The following ANAPC15 variants were observed in gnomAD, a reference collection of about 807,000 sequenced individuals.
The protein encoded by ANAPC15 is anaphase promoting complex subunit 15.
ANAPC15 carries 13 observed loss-of-function variants against 19.8 expected under a neutral mutation model. That is an observed-to-expected ratio of 0.66 (90% CI 0.43 to 1.04). The LOEUF (loss-of-function observed/expected upper bound fraction) is 1.04. Among genes scored for constraint, ANAPC15 ranks in the 50% least tolerant of loss-of-function variants. The probability of loss-of-function intolerance (pLI) is 0.00; values close to 1 mark genes in which losing one functional copy is unlikely to be tolerated. For missense variants in ANAPC15, 88 were observed against 150.3 expected (o/e 0.59, Z 2.17); for synonymous variants, 45 against 50.7 (o/e 0.89, Z 0.47).
In ANAPC15 at chr11:72,110,113, G is replaced by A. The variant is rs1327946895; in HGVS notation, c.293C>T (p.Ser98Leu). Residue 98 changes from serine (S) to leucine (L), a missense_variant, in exon 5 of 6, where the codon TCA (serine) becomes TTA (leucine). Ser to Leu is a moderately radical substitution (Grantham distance 145, BLOSUM62 -2). Transcript: ENST00000227618. ...DMDEMNDYNE[S>L]PDDGEVNEVD... ...CTCATTGACCTCTCCATCATCCGGTGACTCATTGTAGTCATTCATCTCGTC... is the reference window on the plus strand; with the variant it reads ...CTCATTGACCTCTCCATCATCCGGTAACTCATTGTAGTCATTCATCTCGTC... The A allele has an allele frequency of 6.2e-7, 1 of 1,614,054 alleles. No homozygotes were observed. Among genetic ancestry groups the A allele is most frequent in the Non-Finnish European group, 8.5e-7 (1 of 1,180,048 alleles).
downstream of ANAPC15, chr11:72,107,892 T>C (rs1565331553): frequency 4.5e-6 from 7 of 1,551,068 alleles, no homozygotes; most frequent in African/African-American, 1.4e-5. Flanking sequence ...CCATCTCCCA[T>C]GTCTTCTGCA....
At chr11:72,109,961 G>A in intron 5 of ANAPC15, 33 bp from the exon 6 acceptor site, 2 of 1,613,964 alleles carry the variant, frequency 1.2e-6, no homozygotes, top group Non-Finnish European at 1.7e-6. Flanking sequence ...GTGGGGAGGG[G>A]CCTCAGCCAG....
At chr11:72,107,330 A>G (rs532998461), downstream of ANAPC15, 14 of 616,710 alleles carry the variant, frequency 2.3e-5, 1 homozygote, top group African/African-American at 2.6e-4. Flanking sequence ...GAGCAATAAA[A>G]GGGGAATGAA....
downstream of ANAPC15, chr11:72,107,750 C>G: frequency 1.5e-6 from 1 of 669,098 alleles, no homozygotes; most frequent in Non-Finnish European, 2.6e-6. Context: ...GGTGTGAAGA[C>G]TACACTGTAG....
chr11:72,107,278 A>T, downstream of ANAPC15: 1 of 601,728 alleles, frequency 1.7e-6, no homozygotes, highest in Non-Finnish European at 3.0e-6. Flanking sequence ...AAAATAAATA[A>T]ATAAAAGTTC....
chr11:72,109,174 G>A (rs1281202146), downstream of ANAPC15: 1 of 530,846 alleles, frequency 1.9e-6, no homozygotes, highest in East Asian at 3.4e-5. Flanking sequence ...AGAAGCCTGA[G>A]CTCCCGACCC....
At chr11:72,108,643 G>C (rs543661539), downstream of ANAPC15, 13 of 1,502,306 alleles carry the variant, frequency 8.7e-6, no homozygotes, top group Non-Finnish European at 1.2e-5. Flanking sequence ...ACGTGATCCC[G>C]TGCCTACGCA....
intron 3 of ANAPC15, 194 bp from the exon 4 acceptor site, chr11:72,110,797 G>C (rs756082710): frequency 2.1e-5 from 13 of 612,482 alleles, no homozygotes; most frequent in Middle Eastern, 4.3e-4. Flanking sequence ...AACTCTCTGA[G>C]CCTTCTTTTT....
chr11:72,111,350 G>T lies in ANAPC15; in HGVS notation c.-11+62C>A, dbSNP rs1946885919. 6 of 1,303,332 alleles carry T rather than the reference G, an allele frequency of 4.6e-6. No individual in the cohort carries two copies. The South Asian group carries it at 6.2e-5, about 14-fold the overall frequency. 80.7% of individuals were successfully genotyped at this position (1,303,332 alleles called of 1,614,324 possible). On this transcript the variant is annotated intron_variant, in intron 2 of 5. Transcript: ENST00000227618. ...TTTGTTTTTAATTTGGTTGTAATTT[G>T]ATTTAGGGATAGGGTGGAAGACAGC... is the stretch of plus-strand genomic sequence containing the variant.
chr11:72,111,029 C>T (rs527413147), intron 3 of ANAPC15, 128 bp downstream of exon 3: 106 of 713,290 alleles, frequency 1.5e-4, no homozygotes, highest in South Asian at 3.5e-4. Flanking sequence ...GCTCCCAGCC[C>T]GATTATTCCC....
At chr11:72,112,593 G>C (rs2135330689) in intron 1 of ANAPC15, 57 bp downstream of exon 1, 1 of 449,404 alleles carries the variant, frequency 2.2e-6, no homozygotes, top group Non-Finnish European at 4.5e-6. Flanking sequence ...GGGTTTCTCT[G>C]GGGGAAAAAG....
chr11:72,107,798 A>C, downstream of ANAPC15: 1 of 1,024,592 alleles, frequency 9.8e-7, no homozygotes, highest in Non-Finnish European at 1.5e-6. Flanking sequence ...GCTATGGTAC[A>C]AGAGACAGAT....
downstream of ANAPC15, chr11:72,108,863 C>A (rs770337351): frequency 5.2e-6 from 8 of 1,550,502 alleles, no homozygotes; most frequent in South Asian, 9.5e-5. Context: ...CCACACTGGC[C>A]TTCCAGACTT....
At chr11:72,111,105 G>A (rs1201982233) in intron 3 of ANAPC15, 52 bp downstream of exon 3, 4 of 1,051,378 alleles carry the variant, frequency 3.8e-6, no homozygotes, top group Non-Finnish European at 5.2e-6. Context: ...GCCCACTGAA[G>A]GAGGTCTCTG....
At chr11:72,107,834 A>C (rs573743151), downstream of ANAPC15, 3 of 1,436,124 alleles carry the variant, frequency 2.1e-6, no homozygotes, top group Non-Finnish European at 2.9e-6. Context: ...TGGGAGCTGC[A>C]GTGAGGCAGG....
At chr11:72,108,067 C>G, downstream of ANAPC15, 2 of 1,542,700 alleles carry the variant, frequency 1.3e-6, no homozygotes, top group South Asian at 1.2e-5. Flanking sequence ...GACCCACGCA[C>G]GGCAGCAGTG....
intron 1 of ANAPC15, chr11:72,112,346 G>A (rs1302770536): frequency 1.7e-5 from 3 of 173,392 alleles, no homozygotes; most frequent in Non-Finnish European, 3.9e-5. Context: ...AAAGAAAGCA[G>A]GGCGGGTCTC....
In ANAPC15 at chr11:72,109,730, G is replaced by T; in HGVS notation, c.*151C>A. 1.1e-6 allele frequency: 1 copy of T among 917,442 alleles called. No individual in the cohort carries two copies. Among genetic ancestry groups the T allele is most frequent in the Non-Finnish European group, 1.7e-6 (1 of 579,242 alleles). The allele number at this position is 917,442 out of a possible 1,614,324, so 56.8% of individuals were successfully genotyped here. On this transcript the variant is annotated 3_prime_UTR_variant, in exon 6 of 6. Transcript: ENST00000227618. Reference sequence around the variant, plus strand: ...CTGATGGCCTGGGAGGGGCCAAAGAGACCAGATCCTGGCAGCAGCTGAGGA... The same window carrying T: ...CTGATGGCCTGGGAGGGGCCAAAGATACCAGATCCTGGCAGCAGCTGAGGA...
At chr11:72,110,699 G>A (rs573332460) in intron 3 of ANAPC15, 96 bp from the exon 4 acceptor site, 35 of 1,336,196 alleles carry the variant, frequency 2.6e-5, no homozygotes, top group African/African-American at 2.0e-4. Context: ...CAACCCACAC[G>A]TGTTGGGGAG....
Sources: gnomAD v4.1 joint callset for allele counts on GRCh38, gnomAD v4.1.1 for gene constraint, MANE v1.5 for transcripts, NCBI Gene and HGNC (gene_info 2026-07-23, HGNC 2026-07-21) for gene names.